The following RANBP17 variants were observed in gnomAD, a reference collection of about 807,000 sequenced individuals.
The protein encoded by RANBP17 is RAN binding protein 17.
In RANBP17, 158 loss-of-function variants were observed where a neutral mutation model predicts 141.2. The ratio of observed to expected loss-of-function variants is 1.12; its 90% CI spans 0.98 to 1.28. The LOEUF (loss-of-function observed/expected upper bound fraction) is 1.28, where lower values mean the gene tolerates loss of function less well. Among genes scored for constraint, RANBP17 ranks in the 50% most tolerant of loss-of-function variants. The probability of loss-of-function intolerance (pLI) is 0.00; values close to 1 mark genes in which losing one functional copy is unlikely to be tolerated. For missense variants in RANBP17, 1,438 were observed against 1,290.7 expected, an observed-to-expected ratio of 1.11 and a Z score of -1.75; for synonymous variants, 430 against 450.0, an observed-to-expected ratio of 0.96 and a Z score of 0.56.
intron 25 of RANBP17, among the ~76,000 whole-genome samples, chr5:171,277,938 C>CTTTTT (rs140208253): frequency 0.021 from 1,552 of 72,264 alleles, 40 homozygotes; most frequent in Middle Eastern, 0.036. Flanking sequence ...GGACTTCTTT[C>CTTTTT]TTTTTTTTTT....
At chr5:171,271,955 G>A (rs956161031) in intron 25 of RANBP17, among the ~76,000 whole-genome samples, 1 of 152,214 alleles carries the variant, frequency 6.6e-6, no homozygotes, top group Non-Finnish European at 1.5e-5. Context: ...ATGCCCATCA[G>A]TGGTTGATGG....
At chr5:171,200,144 A>G (rs1042199388) in intron 19 of RANBP17, among the ~76,000 whole-genome samples, 1 of 152,198 alleles carries the variant, frequency 6.6e-6, no homozygotes, top group Non-Finnish European at 1.5e-5. Context: ...ACATACACAT[A>G]CTAAAACACT....
At chr5:171,252,077 A>G (rs1765610878) in intron 24 of RANBP17, 6 of 1,600,130 alleles carry the variant, frequency 3.7e-6, no homozygotes, top group Admixed American at 3.3e-5. Flanking sequence ...GATCTCTTCC[A>G]TAGCATAGCC....
intron 14 of RANBP17, among the ~76,000 whole-genome samples, chr5:171,164,277 G>A (rs2127863679): frequency 6.6e-6 from 1 of 152,266 alleles, no homozygotes; most frequent in Admixed American, 6.5e-5. Flanking sequence ...TAACCAGAAT[G>A]TTAGAGACAG....
intron 13 of RANBP17, among the ~76,000 whole-genome samples, chr5:170,967,798 G>C (rs1410662919): frequency 6.6e-6 from 1 of 151,502 alleles, no homozygotes; most frequent in Non-Finnish European, 1.5e-5. Flanking sequence ...TGAACTTTGA[G>C]TCATGACCTC....
chr5:171,142,451 C>T (rs1031858710), intron 14 of RANBP17, among the ~76,000 whole-genome samples: 1 of 152,174 alleles, frequency 6.6e-6, no homozygotes, highest in African/African-American at 2.4e-5. Flanking sequence ...GTTGGTGATA[C>T]AGTCTGAACC....
chr5:170,914,238 T>A lies in RANBP17; in HGVS notation c.832T>A (p.Leu278Ile). 1 of 1,581,084 alleles carries A rather than the reference T, an allele frequency of 6.3e-7. No individual in the cohort carries two copies. The highest frequency in any genetic ancestry group is 8.7e-7 in the Non-Finnish European group (1 of 1,150,572). Residue 278 changes from leucine (L) to isoleucine (I), a missense_variant and splice_region_variant, in exon 8 of 28, where the codon TTA becomes ATA. Transcript: ENST00000523189. The part of the protein sequence containing the change: ...YHSLPPLLSQ[L>I]ALSCLVQFAS... ...TTCACTTCCACCACTACTATCTCAGTTAGTAAGTAAAAGTCATTCGTTATT... is the reference window on the plus strand; with the variant it reads ...TTCACTTCCACCACTACTATCTCAGATAGTAAGTAAAAGTCATTCGTTATT...
Position 171,299,366 on chromosome 5 carries a change from C to T in RANBP17, c.*508C>T, listed in dbSNP as rs1769011057. The T allele has an allele frequency of 4.3e-6, 1 of 233,058 alleles. No individual in the cohort carries two copies. The highest frequency in any genetic ancestry group is 5.6e-5 in the Admixed American group (1 of 17,982). The allele number at this position is 233,058 out of a possible 1,614,324, so 14.4% of individuals were successfully genotyped here. A position where few individuals can be genotyped will look rare whatever the true frequency, so the allele number is the denominator to read the frequency against. The stretch of plus-strand genomic sequence containing the variant: ...ATTTAGAACGAGCCTGGAAGCACTA[C>T]AGAGCATCCCACAGGACCACACGCA... On this transcript the variant is annotated 3_prime_UTR_variant, in exon 28 of 28. Transcript: ENST00000523189.
chr5:170,967,912 T>A (rs1401890684), intron 13 of RANBP17, among the ~76,000 whole-genome samples: 2 of 151,692 alleles, frequency 1.3e-5, no homozygotes, highest in Non-Finnish European at 3.0e-5. Context: ...TAGTAAATTT[T>A]TACTGTAGTA....
intron 14 of RANBP17, among the ~76,000 whole-genome samples, chr5:171,040,205 G>C (rs566726308): frequency 1.2e-3 from 186 of 152,242 alleles, no homozygotes; most frequent in African/African-American, 4.1e-3. Context: ...GGGATGCAAG[G>C]TTGTTTCAAC....
intron 14 of RANBP17, among the ~76,000 whole-genome samples, chr5:171,056,677 C>T (rs966047801): frequency 6.6e-6 from 1 of 152,038 alleles, no homozygotes; most frequent in Admixed American, 6.6e-5. Flanking sequence ...GACCTAATAT[C>T]TAAAAGATGA....
rs562737172 is a variant in RANBP17 at position 171,136,604 on chromosome 5, A to C, written c.1711-33526A>C. 4.1e-4 allele frequency among the ~76,000 whole-genome samples: 62 copies of C among 151,962 alleles called. 1 individual carries two copies. Among genetic ancestry groups the C allele is most frequent in the Admixed American group, 5.9e-4 (9 of 15,252 alleles). On this transcript the variant is annotated intron_variant, in intron 14 of 27. Transcript: ENST00000523189. The stretch of plus-strand genomic sequence containing the variant: ...TCTTTTCAGACACCGTGCTATCAGG[A>C]CTCTTTAAAAGCAAGACTCAGATTA...
At chr5:171,112,014 A>T (rs1755267510) in intron 14 of RANBP17, among the ~76,000 whole-genome samples, 1 of 152,200 alleles carries the variant, frequency 6.6e-6, no homozygotes, top group Non-Finnish European at 1.5e-5. Flanking sequence ...TTTTTATAAA[A>T]TAATATGTAT....
At chr5:171,296,183 T>C (rs1768805767) in intron 27 of RANBP17, among the ~76,000 whole-genome samples, 169 bp downstream of exon 27, 1 of 152,180 alleles carries the variant, frequency 6.6e-6, no homozygotes, top group African/African-American at 2.4e-5. Flanking sequence ...GGTTATTTGC[T>C]TTCCTCCAGG....
intron 22 of RANBP17, among the ~76,000 whole-genome samples, chr5:171,224,621 C>T (rs554260986): frequency 1.3e-5 from 2 of 151,906 alleles, no homozygotes; most frequent in East Asian, 3.9e-4. Flanking sequence ...AGGATTATGT[C>T]GGAGGAGGAG....
At chr5:171,031,783 C>A (rs1781565578) in intron 14 of RANBP17, among the ~76,000 whole-genome samples, 1 of 151,976 alleles carries the variant, frequency 6.6e-6, no homozygotes, top group Non-Finnish European at 1.5e-5. Flanking sequence ...CCTAGCTTTT[C>A]TTTTGGTGGT....
chr5:170,932,203 C>T (rs1773448864), intron 12 of RANBP17, among the ~76,000 whole-genome samples: 2 of 152,044 alleles, frequency 1.3e-5, no homozygotes, highest in Admixed American at 1.3e-4. Flanking sequence ...ATTTGGCTAT[C>T]TGTTTGTCTG....
chr5:171,092,348 A>G (rs1205775928), intron 14 of RANBP17, among the ~76,000 whole-genome samples: 1 of 152,240 alleles, frequency 6.6e-6, no homozygotes, highest in Non-Finnish European at 1.5e-5. Context: ...ATGACTACAA[A>G]AAGAAATTCT....
At chr5:171,030,243 T>C (rs1781472229) in intron 14 of RANBP17, among the ~76,000 whole-genome samples, 1 of 152,080 alleles carries the variant, frequency 6.6e-6, no homozygotes, top group South Asian at 2.1e-4. Flanking sequence ...TCTATACTAG[T>C]TTTGAGCAAG....
Sources: allele counts gnomAD v4.1 joint callset (sites outside exome capture counted in the v4.1 genomes callset), GRCh38; gene constraint gnomAD v4.1.1; transcripts MANE v1.5; gene names NCBI Gene and HGNC (gene_info 2026-07-23, HGNC 2026-07-21).